The following ZNF397 variants were observed in gnomAD, a reference collection of about 807,000 sequenced individuals.
ZNF397 encodes zinc finger protein 397.
In ZNF397, 38 loss-of-function variants were observed where a neutral mutation model predicts 50.6. The ratio of observed to expected loss-of-function variants is 0.75; its 90% CI spans 0.58 to 0.98. ZNF397 has a LOEUF of 0.98. ZNF397 is among the 50% of genes least tolerant of loss of function. ZNF397 has a pLI of 0.00. For missense variants in ZNF397, 624 were observed against 624.1 expected (o/e 1.00, Z 0.00); for synonymous variants, 228 against 215.2 (o/e 1.06, Z -0.52).
At position 35,246,733 on chromosome 18, in the gene ZNF397, TAAAG is replaced by T. The variant is rs2043489718; in HGVS notation, c.*426_*429del. The T allele has an allele frequency of 2.0e-6, 2 of 984,506 alleles. No individual in the cohort carries two copies. Among genetic ancestry groups the T allele is most frequent in the African/African-American group, 1.8e-5 (1 of 55,712 alleles). 61.0% of individuals were successfully genotyped at this position (984,506 alleles called of 1,614,324 possible). A position where few individuals can be genotyped will look rare whatever the true frequency, so the allele number is the denominator to read the frequency against. On this transcript the variant is annotated 3_prime_UTR_variant, in exon 4 of 4. Transcript: ENST00000330501. ...AAAAAAAAAAAAAAAACTGACCCAA[TAAAG>T]AACAGTGACAGAGCAGCAGGAAAGG...
rs1174043333 is a variant in ZNF397, at chr18:35,246,529, GCTCTT to G, written c.*225_*229del. On this transcript the variant is annotated 3_prime_UTR_variant, in exon 4 of 4. Coordinates refer to ENST00000330501, the MANE Select transcript of ZNF397 (RefSeq NM_001135178.3). ...GAATACAGAAGAATCATTACTTCCAGCTCTTCTCTTATTAGGAATACTCAGGAAAT... is the reference window on the plus strand; with the variant it reads ...GAATACAGAAGAATCATTACTTCCAGCTCTTATTAGGAATACTCAGGAAAT... The G allele has an allele frequency of 1.0e-4, 133 of 1,297,644 alleles. No individual in the cohort carries two copies. Among genetic ancestry groups the G allele is most frequent in the Admixed American group, 5.6e-4 (15 of 26,966 alleles). The allele number at this position is 1,297,644 out of a possible 1,614,324, so 80.4% of individuals were successfully genotyped here. A position where few individuals can be genotyped will look rare whatever the true frequency, so the allele number is the denominator to read the frequency against.
chr18:35,254,132 G>C, downstream of ZNF397: 1 of 1,614,168 alleles, frequency 6.2e-7, no homozygotes, highest in Non-Finnish European at 8.5e-7. Context: ...ACTGTGTTCT[G>C]TGGGGATTCT....
chr18:35,245,591 C>T lies in ZNF397; in HGVS notation c.886C>T (p.Gln296Ter). 1 of 1,553,186 alleles carries T rather than the reference C, an allele frequency of 6.4e-7. No individual in the cohort carries two copies. The highest frequency in any genetic ancestry group is 1.4e-5 in the African/African-American group (1 of 73,188). The part of the protein sequence containing the change: ...RCDVCGHSFK[Q>*]HSSLTQHQRI... ...TGATGTATGTGGGCACAGCTTCAAG[C>T]AGCATTCCTCTCTAACACAACATCA... Residue 296 changes from glutamine to a stop codon, truncating the protein, a stop_gained, in exon 4 of 4, where the codon CAG (glutamine) becomes TAG (stop). Coordinates refer to ENST00000330501, the MANE Select transcript of ZNF397 (RefSeq NM_001135178.3). LOFTEE classifies it high-confidence loss of function.
chr18:35,241,933 G>C (rs961132890), intron 1 of ZNF397, among the ~76,000 whole-genome samples: 1 of 143,984 alleles, frequency 6.9e-6, no homozygotes, highest in East Asian at 1.9e-4. Context: ...TAGATAGAAA[G>C]TAAGTAAAAA....
chr18:35,246,094 T>G lies in ZNF397; in HGVS notation c.1389T>G (p.Ser463Arg). The change falls in exon 4 of 4, where the codon AGT becomes AGG. Residue 463 changes from serine (S) to arginine (R), a missense_variant. By Grantham distance (110) the Ser-to-Arg change is moderately radical. Coordinates refer to ENST00000330501, the MANE Select transcript of ZNF397 (RefSeq NM_001135178.3). ...YECSECGKAF[S>R]LSSNLIRHQR... ...GTAGTGAATGTGGAAAAGCTTTCAG[T>G]TTGAGCTCAAACCTTATCAGACATC... The G allele has an allele frequency of 6.4e-7, 1 of 1,554,862 alleles. No individual in the cohort carries two copies. The highest frequency in any genetic ancestry group is 8.7e-7 in the Non-Finnish European group (1 of 1,148,882).
chr18:35,244,675 G>A (rs1912794936), intron 3 of ZNF397, among the ~76,000 whole-genome samples: 1 of 150,862 alleles, frequency 6.6e-6, no homozygotes, highest in Non-Finnish European at 1.5e-5. Context: ...GCTACAGAGA[G>A]GCTAAGTAAT....
chr18:35,249,575 C>T lies in ZNF397; in HGVS notation c.*3265C>T, dbSNP rs1380246959. On this transcript the variant is annotated 3_prime_UTR_variant, in exon 4 of 4. Coordinates refer to ENST00000330501, the MANE Select transcript of ZNF397 (RefSeq NM_001135178.3). ...GGCTGAGACAGGAGAATTGCATGAA[C>T]CCGGGAGGTGGAGGTTGCAGTGAGC... 1 of 141,866 alleles carries T rather than the reference C, an allele frequency of 7.0e-6. No homozygotes were observed. Among genetic ancestry groups the T allele is most frequent in the African/African-American group, 2.6e-5 (1 of 38,280 alleles). The allele number at this position is 141,866 out of a possible 1,614,324, so 8.8% of individuals were successfully genotyped here.
chr18:35,253,691 C>T (rs936216937), downstream of ZNF397: 2 of 1,614,036 alleles, frequency 1.2e-6, no homozygotes, highest in African/African-American at 2.7e-5. Context: ...ACATGCAATA[C>T]ATTCATAGCT....
At position 35,242,749 on chromosome 18, in the gene ZNF397, G is replaced by A. The variant is rs1181990922; in HGVS notation, c.279G>A (p.Leu93=). 2 of 1,614,192 alleles carry A rather than the reference G, an allele frequency of 1.2e-6. No homozygotes were observed. The highest frequency in any genetic ancestry group is 1.7e-6 in the Non-Finnish European group (2 of 1,180,032). ...CAAAGGAGCAGATCTTAGAACTGCT[G>A]GTACTGGAGCAGTTCCTGAGCATTC... ...LHTKEQILEL[L]VLEQFLSILP... The change falls in exon 2 of 4, where the codon CTG becomes CTA. Residue 93 remains leucine, a synonymous_variant. Transcript: ENST00000330501.
chr18:35,247,453 T>A lies in ZNF397; in HGVS notation c.*1143T>A, dbSNP rs2043500428. On this transcript the variant is annotated 3_prime_UTR_variant, in exon 4 of 4. Coordinates refer to ENST00000330501, the MANE Select transcript of ZNF397 (RefSeq NM_001135178.3). Reference sequence around the variant, plus strand: ...TTGATTCTAAAGACAATATCAGAGCTGCTGTCAGGTTTCTTAAAATTCCCA... The same window carrying A: ...TTGATTCTAAAGACAATATCAGAGCAGCTGTCAGGTTTCTTAAAATTCCCA... The A allele has an allele frequency of 6.6e-6, 1 of 152,362 alleles. No homozygotes were observed. Among genetic ancestry groups the A allele is most frequent in the South Asian group, 2.1e-4 (1 of 4,832 alleles). 9.4% of individuals were successfully genotyped at this position (152,362 alleles called of 1,614,324 possible).
chr18:35,246,787 T>A lies in ZNF397; in HGVS notation c.*477T>A. 1.0e-6 allele frequency: 1 copy of A among 986,620 alleles called. No homozygotes were observed. The highest frequency in any genetic ancestry group is 4.7e-5 in the South Asian group (1 of 21,372). 61.1% of individuals were successfully genotyped at this position (986,620 alleles called of 1,614,324 possible). A position where few individuals can be genotyped will look rare whatever the true frequency, so the allele number is the denominator to read the frequency against. On this transcript the variant is annotated 3_prime_UTR_variant, in exon 4 of 4. Transcript: ENST00000330501. ...GTGGGGAAATGGCTTCATCAATGATTTGTTGAGCCCAGGGCAGGCCAGGAA... is the reference window on the plus strand; with the variant it reads ...GTGGGGAAATGGCTTCATCAATGATATGTTGAGCCCAGGGCAGGCCAGGAA...
rs2043466114 is a variant in ZNF397 at position 35,245,666 on chromosome 18, G to A, written c.961G>A (p.Ala321Thr). 1 of 1,553,390 alleles carries A rather than the reference G, an allele frequency of 6.4e-7. No homozygotes were observed. Among genetic ancestry groups the A allele is most frequent in the African/African-American group, 1.4e-5 (1 of 73,204 alleles). ...KPYKCNQCGK[A>T]FSLRSYLIIH... ...CTATAAATGTAACCAGTGTGGGAAG[G>A]CCTTTAGTTTGAGGTCCTATCTTAT... is the stretch of plus-strand genomic sequence containing the variant. The change falls in exon 4 of 4, where the codon GCC (alanine) becomes ACC (threonine). Residue 321 changes from alanine (A) to threonine (T), a missense_variant. Physicochemically the swap from Ala to Thr is moderately conservative, Grantham distance 58. Transcript: ENST00000330501.
chr18:35,245,304 A>G lies in ZNF397; in HGVS notation c.599A>G (p.Glu200Gly), dbSNP rs2043456998. ...SETATKEGIS[E>G]EKSQGLPQEP... Reference sequence around the variant, plus strand: ...ACAGCAACAAAAGAGGGCATCTCAGAAGAAAAATCACAGGGACTCCCTCAG... The same window carrying G: ...ACAGCAACAAAAGAGGGCATCTCAGGAGAAAAATCACAGGGACTCCCTCAG... Residue 200 changes from glutamate (E) to glycine (G), a missense_variant, in exon 4 of 4, where the codon GAA becomes GGA. Glu to Gly is a moderately conservative substitution (Grantham distance 98). Coordinates refer to ENST00000330501, the MANE Select transcript of ZNF397 (RefSeq NM_001135178.3). The G allele has an allele frequency of 1.2e-6, 2 of 1,611,722 alleles. No individual in the cohort carries two copies. Among genetic ancestry groups the G allele is most frequent in the Non-Finnish European group, 1.7e-6 (2 of 1,178,520 alleles).
In ZNF397 at chr18:35,242,415, TTCG is replaced by T. The variant is rs1912574925; in HGVS notation, c.-55_-53del. ...GGAAAGAAGAGATTACTCACACTCC[TTCG>T]CAAGCACAGAACCAGTTGTACTGAG... On this transcript the variant is annotated 5_prime_UTR_variant, in exon 2 of 4. Transcript: ENST00000330501. The T allele has an allele frequency of 3.9e-6, 6 of 1,527,050 alleles. No individual in the cohort carries two copies. Among genetic ancestry groups the T allele is most frequent in the African/African-American group, 2.8e-5 (2 of 71,978 alleles). 94.6% of individuals were successfully genotyped at this position (1,527,050 alleles called of 1,614,324 possible). A position where few individuals can be genotyped will look rare whatever the true frequency, so the allele number is the denominator to read the frequency against.
Position 35,245,639 on chromosome 18 carries a change from C to T in ZNF397, c.934C>T (p.Pro312Ser), listed in dbSNP as rs1180795986. ...TCAGAGAATCCATACTGGAGAAAAG[C>T]CCTATAAATGTAACCAGTGTGGGAA... Reference protein sequence around the residue: ...QHQRIHTGEKPYKCNQCGKAF... With the variant: ...QHQRIHTGEKSYKCNQCGKAF... The change falls in exon 4 of 4, where the codon CCC becomes TCC. Residue 312 changes from proline (P) to serine (S), a missense_variant. Transcript: ENST00000330501. 1 of 1,554,460 alleles carries T rather than the reference C, an allele frequency of 6.4e-7. No individual in the cohort carries two copies. The highest frequency in any genetic ancestry group is 8.7e-7 in the Non-Finnish European group (1 of 1,148,542).
At chr18:35,241,668 C>T (rs937813371) in intron 1 of ZNF397, 3 of 152,172 alleles carry the variant, frequency 2.0e-5, no homozygotes, top group Non-Finnish European at 1.5e-5. Context: ...GTATGTGATA[C>T]CTATCATGTT....
chr18:35,252,686 A>G (rs2043641277), downstream of ZNF397: 1 of 152,162 alleles, frequency 6.6e-6, no homozygotes, highest in Admixed American at 6.6e-5. Context: ...TATCCCTGCC[A>G]TGTACTTTGA....
downstream of ZNF397, chr18:35,253,796 G>A (rs139527278): frequency 1.2e-6 from 2 of 1,614,196 alleles, no homozygotes; most frequent in Admixed American, 1.7e-5. Context: ...CTTCTCTCCA[G>A]TGTGGATTCT....
At chr18:35,244,761 C>A (rs376837386) in intron 3 of ZNF397, among the ~76,000 whole-genome samples, 1 of 5,564 alleles carries the variant, frequency 1.8e-4, no homozygotes, top group African/African-American at 3.3e-4. Flanking sequence ...AAGTAGGGGA[C>A]GGGGCGGTGG....
Sources: gnomAD v4.1 joint callset for allele counts (sites outside exome capture counted in the v4.1 genomes callset) on GRCh38, gnomAD v4.1.1 for gene constraint, MANE v1.5 for transcripts, NCBI Gene and HGNC (gene_info 2026-07-23, HGNC 2026-07-21) for gene names.